Variants in MTRF1 observed in about 807,000 individuals in gnomAD.
MTRF1 encodes the protein mitochondrial translation release factor 1, also known as peptide chain release factor 1, mitochondrial.
A neutral mutation model predicts 62.9 loss-of-function variants in MTRF1; 51 were observed. The ratio of observed to expected loss-of-function variants is 0.81; its 90% CI spans 0.65 to 1.02. The LOEUF (loss-of-function observed/expected upper bound fraction) is 1.02. Ranked by LOEUF, MTRF1 falls within the 50% of genes least tolerant of loss-of-function variation. The pLI is 0.00. For synonymous variants in MTRF1, 158 were observed against 181.9 expected (o/e 0.87, Z 1.06); for missense variants, 446 against 530.0 (o/e 0.84, Z 1.56).
chr13:41,306,795 G>T, the MTRF1 span, among the ~76,000 whole-genome samples: 4 of 152,242 alleles, frequency 2.6e-5, no homozygotes, highest in Admixed American at 1.3e-4. Context: ...CTGGGTGGAT[G>T]TCCATGATGG....
At chr13:41,274,525 A>G in the MTRF1 span, among the ~76,000 whole-genome samples, 1 of 152,120 alleles carries the variant, frequency 6.6e-6, no homozygotes, top group Non-Finnish European at 1.5e-5. Context: ...CCAGACATAT[A>G]AGTACACCAT....
At chr13:41,277,381 C>T in the MTRF1 span, among the ~76,000 whole-genome samples, 12 of 152,144 alleles carry the variant, frequency 7.9e-5, no homozygotes, top group Non-Finnish European at 1.8e-4. Context: ...ATCCGCCTAC[C>T]TGAGCCTCCA....
the MTRF1 span, among the ~76,000 whole-genome samples, chr13:41,300,285 A>G: frequency 6.6e-6 from 1 of 152,174 alleles, no homozygotes; most frequent in African/African-American, 2.4e-5. Context: ...TGGTTTAAAC[A>G]TTTCTAAAAA....
At chr13:41,306,194 A>AAC in the MTRF1 span, among the ~76,000 whole-genome samples, 1 of 152,176 alleles carries the variant, frequency 6.6e-6, no homozygotes, top group Non-Finnish European at 1.5e-5. Context: ...CATCCTGGCT[A>AAC]ACACGGTGAA....
At chr13:41,263,897 C>T (rs894265123), upstream of MTRF1, among the ~76,000 whole-genome samples, 1 of 152,118 alleles carries the variant, frequency 6.6e-6, no homozygotes, top group Non-Finnish European at 1.5e-5. Context: ...GTTTACCTTG[C>T]GGCAGCCTCC....
chr13:41,252,793 C>T (rs750452298), intron 4 of MTRF1, 41 bp from the exon 5 acceptor site: 39 of 1,556,486 alleles, frequency 2.5e-5, no homozygotes, highest in African/African-American at 4.1e-5. Context: ...GGACAAATTT[C>T]GGAAAGCCAC....
At chr13:41,269,130 C>T in the MTRF1 span, among the ~76,000 whole-genome samples, 2 of 131,216 alleles carry the variant, frequency 1.5e-5, no homozygotes, top group South Asian at 4.9e-4. Context: ...AACAAAACCT[C>T]TTTATTTTTA....
At chr13:41,285,546 A>G in the MTRF1 span, among the ~76,000 whole-genome samples, 2 of 152,310 alleles carry the variant, frequency 1.3e-5, no homozygotes, top group Middle Eastern at 3.4e-3. Context: ...TTCAGAATCA[A>G]TAAACTTCCC....
chr13:41,296,299 C>T, the MTRF1 span, among the ~76,000 whole-genome samples: 6 of 150,780 alleles, frequency 4.0e-5, no homozygotes, highest in Non-Finnish European at 7.4e-5. Flanking sequence ...GTCTTAAACT[C>T]CCGGCCTCAA....
the MTRF1 span, among the ~76,000 whole-genome samples, chr13:41,309,147 T>C: frequency 4.6e-5 from 7 of 152,130 alleles, no homozygotes; most frequent in Non-Finnish European, 1.0e-4. Context: ...TTCCATGTCT[T>C]TTTATTGTGA....
chr13:41,223,760 G>C (rs1053418031), intron 8 of MTRF1, among the ~76,000 whole-genome samples: 1 of 152,138 alleles, frequency 6.6e-6, no homozygotes, highest in East Asian at 1.9e-4. Context: ...GATGCACACG[G>C]CGGGAGAGAC....
At chr13:41,255,419 C>T (rs145802161) in intron 2 of MTRF1, among the ~76,000 whole-genome samples, 150 of 152,224 alleles carry the variant, frequency 9.9e-4, no homozygotes, top group African/African-American at 3.5e-3. Context: ...TGGCCAGGTG[C>T]GGTGACTAAT....
chr13:41,290,651 C>T, the MTRF1 span, among the ~76,000 whole-genome samples: 4 of 151,530 alleles, frequency 2.6e-5, no homozygotes, highest in African/African-American at 9.7e-5. Flanking sequence ...CCTCGGCCTC[C>T]CAAAGTGCTG....
chr13:41,285,697 A>T, the MTRF1 span, among the ~76,000 whole-genome samples: 1 of 152,116 alleles, frequency 6.6e-6, no homozygotes, highest in Non-Finnish European at 1.5e-5. Flanking sequence ...GAGATCTGTG[A>T]ATTGTTATTC....
upstream of MTRF1, among the ~76,000 whole-genome samples, chr13:41,265,377 C>T (rs900970380): frequency 5.3e-5 from 8 of 151,122 alleles, no homozygotes; most frequent in East Asian, 1.9e-4. Flanking sequence ...GCCAAGATTG[C>T]ACCATTGCAC....
chr13:41,253,555 G>C (rs145585765), intron 3 of MTRF1, among the ~76,000 whole-genome samples: 27 of 152,164 alleles, frequency 1.8e-4, no homozygotes, highest in African/African-American at 5.5e-4. Flanking sequence ...GCTGTGACCA[G>C]AAAGAAAAAG....
chr13:41,283,473 C>T, the MTRF1 span, among the ~76,000 whole-genome samples: 3 of 151,616 alleles, frequency 2.0e-5, no homozygotes, highest in African/African-American at 7.3e-5. Flanking sequence ...GAGGTGCTCA[C>T]AGACTTTTAC....
the MTRF1 span, among the ~76,000 whole-genome samples, chr13:41,306,310 G>C: frequency 6.6e-6 from 1 of 152,008 alleles, no homozygotes; most frequent in African/African-American, 2.4e-5. Context: ...CGTGAACCCG[G>C]GAGGCGGAGC....
intron 7 of MTRF1, among the ~76,000 whole-genome samples, chr13:41,231,781 C>G (rs2035601968): frequency 6.7e-6 from 1 of 149,630 alleles, no homozygotes; most frequent in South Asian, 2.1e-4. Context: ...TGGCTCATGT[C>G]TGTTATCCCA....
Sources: gnomAD v4.1 joint callset for allele counts (sites outside exome capture counted in the v4.1 genomes callset) on GRCh38, gnomAD v4.1.1 for gene constraint, MANE v1.5 for transcripts, NCBI Gene and HGNC (gene_info 2026-07-23, HGNC 2026-07-21) for gene names.